HDHD2: variants seen among roughly 807,000 people sequenced by gnomAD.
HDHD2 encodes the protein haloacid dehalogenase like hydrolase domain containing 2.
Under a neutral mutation model 24.8 loss-of-function variants are expected in HDHD2, and 26 were observed. That is an observed-to-expected ratio of 1.05 (90% CI 0.77 to 1.45). HDHD2 has a LOEUF of 1.45. Among genes scored for constraint, HDHD2 ranks in the 40% most tolerant of loss-of-function variants. The pLI, the probability that HDHD2 is intolerant of heterozygous loss-of-function variation, is 0.00. For synonymous variants in HDHD2, 128 were observed against 114.9 expected, an observed-to-expected ratio of 1.11 and a Z score of -0.73; for missense variants, 299 against 313.4, an observed-to-expected ratio of 0.95 and a Z score of 0.35.
intron 3 of HDHD2, among the ~76,000 whole-genome samples, chr18:47,132,299 G>T (rs2063720895): frequency 6.6e-6 from 1 of 152,062 alleles, no homozygotes; most frequent in Admixed American, 6.6e-5. Context: ...CAGCTACAAA[G>T]CATTCCATTT....
intron 1 of HDHD2, among the ~76,000 whole-genome samples, chr18:47,146,513 T>C (rs1351163796): frequency 2.6e-5 from 4 of 152,214 alleles, no homozygotes; most frequent in Non-Finnish European, 5.9e-5. Context: ...TGAGAGATTC[T>C]TTCACAGTGT....
rs776451653 is a variant in HDHD2 at position 47,136,420 on chromosome 18, A to T, written c.20T>A (p.Leu7Ter). 1 of 1,612,930 alleles carries T rather than the reference A, an allele frequency of 6.2e-7. No homozygotes were observed. MAACRA[L>*]KAVLVDLSGT... is the part of the protein sequence containing the mutation. The stretch of plus-strand genomic sequence containing the variant: ...ACTGAGATCTACCAAAACAGCTTTT[A>T]ATGCACGGCATGCTGCCATCCTTCA... Residue 7 changes from leucine (L) to a stop codon, truncating the protein, a stop_gained, in exon 2 of 7, where the codon TTA becomes TAA. Coordinates refer to ENST00000300605, the MANE Select transcript of HDHD2 (RefSeq NM_032124.5). LOFTEE classifies it high-confidence loss of function.
intron 4 of HDHD2, among the ~76,000 whole-genome samples, chr18:47,126,604 T>A (rs759547255): frequency 1.3e-5 from 2 of 152,196 alleles, no homozygotes; most frequent in African/African-American, 4.8e-5. Context: ...AAAGGCTTCA[T>A]CTATAAATTT....
intron 1 of HDHD2, chr18:47,136,896 C>G (rs1489091781): frequency 4.7e-6 from 2 of 427,756 alleles, no homozygotes; most frequent in Non-Finnish European, 8.5e-6. Flanking sequence ...GCTGCTGTAA[C>G]CTGAAACAGA....
rs1201000484 is a variant in HDHD2 at position 47,140,524 on chromosome 18, ACT to A, written c.-10-4077_-10-4076del. Among the ~76,000 whole-genome samples, 4 of 150,752 alleles carry A rather than the reference ACT, an allele frequency of 2.7e-5. No homozygotes were observed. The East Asian group carries it at 7.7e-4, about 29-fold the overall frequency. ...GTCTTATATCCTTTAACCATTCCAAACTCTTTTTTTTTGAGACAGGGCCTTGT... is the reference window on the plus strand; with the variant it reads ...GTCTTATATCCTTTAACCATTCCAAACTTTTTTTTTGAGACAGGGCCTTGT... On this transcript the variant is annotated intron_variant, in intron 1 of 6. Coordinates refer to ENST00000300605, the MANE Select transcript of HDHD2 (RefSeq NM_032124.5).
chr18:47,128,330 A>ATC (rs1284671233), intron 4 of HDHD2, among the ~76,000 whole-genome samples: 1 of 152,212 alleles, frequency 6.6e-6, no homozygotes, highest in Admixed American at 6.5e-5. Flanking sequence ...GCTAAAATTA[A>ATC]TCAATATCTT....
intron 1 of HDHD2, among the ~76,000 whole-genome samples, chr18:47,146,671 A>G (rs2063873978): frequency 6.6e-6 from 1 of 152,256 alleles, no homozygotes; most frequent in Non-Finnish European, 1.5e-5. Context: ...GAAAGAACTT[A>G]CATTCACACA....
intron 1 of HDHD2, among the ~76,000 whole-genome samples, chr18:47,139,464 C>CAAAAAAAAAAAAAAAAAAAA (rs760347919): frequency 2.0e-5 from 1 of 50,474 alleles, no homozygotes; most frequent in African/African-American, 7.5e-5. Flanking sequence ...GACTCTGTCT[C>CAAAAAAAAAAAAAAAAAAAA]AAAAAAAAAA....
At chr18:47,143,282 A>G (rs80064497) in intron 1 of HDHD2, among the ~76,000 whole-genome samples, 8,187 of 152,064 alleles carry the variant, frequency 0.054, 277 homozygotes, top group East Asian at 0.13. Context: ...CGAGACCCCC[A>G]TCTCTATAAA....
intron 4 of HDHD2, among the ~76,000 whole-genome samples, chr18:47,128,159 T>TA (rs1362174315): frequency 1.3e-5 from 2 of 152,310 alleles, no homozygotes; most frequent in South Asian, 4.1e-4. Flanking sequence ...TTTAAGTTTA[T>TA]AAAAAATCAA....
At chr18:47,131,516 T>C (rs564950217) in intron 3 of HDHD2, among the ~76,000 whole-genome samples, 1 of 152,324 alleles carries the variant, frequency 6.6e-6, no homozygotes, top group South Asian at 2.1e-4. Context: ...GAATTGACAG[T>C]AGATACCACA....
chr18:47,143,425 C>A (rs1199885999), intron 1 of HDHD2, among the ~76,000 whole-genome samples: 1 of 152,146 alleles, frequency 6.6e-6, no homozygotes, highest in Non-Finnish European at 1.5e-5. Flanking sequence ...GAGACTATAT[C>A]CCTAAAACAC....
At chr18:47,130,153 G>T in intron 4 of HDHD2, 91 bp downstream of exon 4, 1 of 749,640 alleles carries the variant, frequency 1.3e-6, no homozygotes. Flanking sequence ...TGGCCAGAAA[G>T]TAAAACACAT....
chr18:47,148,504 T>C (rs2063896638), intron 1 of HDHD2, among the ~76,000 whole-genome samples: 1 of 152,136 alleles, frequency 6.6e-6, no homozygotes, highest in Admixed American at 6.6e-5. Flanking sequence ...TGGTACATAT[T>C]CAATGCAAAG....
At chr18:47,112,866 G>A (rs374025576) in intron 6 of HDHD2, 111 bp downstream of exon 6, 2 of 835,394 alleles carry the variant, frequency 2.4e-6, no homozygotes, top group East Asian at 2.6e-5. Flanking sequence ...TTTGTGGCAG[G>A]AAGAGAATAA....
At chr18:47,130,859 CT>C (rs1225496411) in intron 3 of HDHD2, among the ~76,000 whole-genome samples, 1 of 152,226 alleles carries the variant, frequency 6.6e-6, no homozygotes, top group Non-Finnish European at 1.5e-5. Context: ...GCCTTATCTA[CT>C]TTTAGTTTCA....
intron 4 of HDHD2, among the ~76,000 whole-genome samples, chr18:47,119,788 C>T (rs1599930190): frequency 6.6e-6 from 1 of 152,078 alleles, no homozygotes; most frequent in Admixed American, 6.5e-5. Context: ...TCTATGGCAG[C>T]TATGGCCTTA....
intron 6 of HDHD2, chr18:47,111,501 G>A (rs1294247082): frequency 1.0e-6 from 1 of 985,086 alleles, no homozygotes; most frequent in Non-Finnish European, 1.2e-6. Context: ...TGAAAACAAA[G>A]ATACATGGAG....
chr18:47,136,521 A>G, intron 1 of HDHD2, 72 bp from the exon 2 acceptor site: 1 of 1,239,468 alleles, frequency 8.1e-7, no homozygotes, highest in Non-Finnish European at 1.1e-6. Flanking sequence ...GTAAGTATTC[A>G]AAAATATCAC....
Sources: allele counts gnomAD v4.1 joint callset (sites outside exome capture counted in the v4.1 genomes callset), GRCh38; gene constraint gnomAD v4.1.1; transcripts MANE v1.5; gene names NCBI Gene and HGNC (gene_info 2026-07-23, HGNC 2026-07-21).